The following CHSY1 variants were observed in gnomAD, a reference collection of about 807,000 sequenced individuals.
CHSY1 encodes chondroitin sulfate synthase 1.
Under a neutral mutation model 59.8 loss-of-function variants are expected in CHSY1, and 13 were observed. The ratio of observed to expected loss-of-function variants is 0.22; its 90% CI spans 0.14 to 0.35. CHSY1 has a LOEUF of 0.35. Among genes scored for constraint, CHSY1 ranks in the 10% least tolerant of loss-of-function variants. CHSY1 has a pLI of 1.00. For synonymous variants in CHSY1, 459 were observed against 401.2 expected (o/e 1.14, Z -1.72); for missense variants, 947 against 1,030.6 (o/e 0.92, Z 1.11).
intron 2 of CHSY1, among the ~76,000 whole-genome samples, chr15:101,192,814 C>T (rs752857379): frequency 5.9e-5 from 9 of 152,162 alleles, no homozygotes; most frequent in Middle Eastern, 3.2e-3. Context: ...AATAACCTAC[C>T]TCCCTGCACA....
rs11855006 is a variant in CHSY1, at chr15:101,237,553, C to A, written c.321-1976G>T. Among the ~76,000 whole-genome samples the A allele has an allele frequency of 4.9e-3, 752 of 152,084 alleles. 6 individuals are homozygous for A. Among genetic ancestry groups the A allele is most frequent in the African/African-American group, 0.017 (714 of 41,476 alleles). On this transcript the variant is annotated intron_variant, in intron 1 of 2. Transcript: ENST00000254190. ...AAGGGTTTAAGAGACAACGGTTGCC[C>A]GTCGACAGAGGGAAGATGAGTGGTC...
intron 2 of CHSY1, among the ~76,000 whole-genome samples, chr15:101,233,629 T>C (rs765651015): frequency 3.3e-5 from 5 of 152,170 alleles, no homozygotes; most frequent in Non-Finnish European, 7.3e-5. Flanking sequence ...AGCTGTCCCC[T>C]ATGTGCTGGG....
At chr15:101,180,534 C>A (rs1428964018) in intron 2 of CHSY1, among the ~76,000 whole-genome samples, 1 of 151,984 alleles carries the variant, frequency 6.6e-6, no homozygotes, top group Non-Finnish European at 1.5e-5. Context: ...CCGACTCTGA[C>A]CCCCATGCAG....
chr15:101,208,955 T>C (rs1262696285), intron 2 of CHSY1, among the ~76,000 whole-genome samples: 2 of 152,156 alleles, frequency 1.3e-5, no homozygotes, highest in African/African-American at 4.8e-5. Context: ...AAATCACCAT[T>C]TAGCAACCAT....
At position 101,210,305 on chromosome 15, in the gene CHSY1, C is replaced by A. The variant is rs576585238; in HGVS notation, c.816+24777G>T. On this transcript the variant is annotated intron_variant, in intron 2 of 2. Coordinates refer to ENST00000254190, the MANE Select transcript of CHSY1 (RefSeq NM_014918.5). The stretch of plus-strand genomic sequence containing the variant: ...TTAGCAGAAAAAGAGGCTGAAGGCA[C>A]CATCACACCTTAAACATAAACCTCT... Among the ~76,000 whole-genome samples the A allele has an allele frequency of 2.0e-5, 3 of 152,248 alleles. No individual in the cohort carries two copies. In the South Asian group the frequency reaches 6.2e-4, roughly 32 times the overall value.
intron 2 of CHSY1, among the ~76,000 whole-genome samples, chr15:101,222,886 C>A (rs1218519322): frequency 6.6e-6 from 1 of 152,174 alleles, no homozygotes; most frequent in South Asian, 2.1e-4. Flanking sequence ...CTCGAGTCAC[C>A]CTGTCCCTCC....
At chr15:101,232,502 A>C (rs1165610609) in intron 2 of CHSY1, among the ~76,000 whole-genome samples, 1 of 152,220 alleles carries the variant, frequency 6.6e-6, no homozygotes, top group Non-Finnish European at 1.5e-5. Context: ...ATAATGAAGA[A>C]CTACACGTGA....
intron 2 of CHSY1, among the ~76,000 whole-genome samples, chr15:101,220,930 C>G (rs112312867): frequency 6.6e-6 from 1 of 152,122 alleles, no homozygotes; most frequent in Non-Finnish European, 1.5e-5. Flanking sequence ...CTCCATCAGT[C>G]GACCGCCTTA....
At chr15:101,248,063 A>G (rs2039068724) in intron 1 of CHSY1, among the ~76,000 whole-genome samples, 1 of 152,224 alleles carries the variant, frequency 6.6e-6, no homozygotes, top group Non-Finnish European at 1.5e-5. Context: ...TTAAAAAACA[A>G]AACTACAGTT....
intron 2 of CHSY1, among the ~76,000 whole-genome samples, chr15:101,179,541 T>A (rs1473919095): frequency 6.6e-6 from 1 of 152,130 alleles, no homozygotes; most frequent in African/African-American, 2.4e-5. Flanking sequence ...CAGGGATGAA[T>A]CAAGGCTCTG....
Position 101,178,178 on chromosome 15 carries a change from A to G in CHSY1, c.1619T>C (p.Leu540Ser), listed in dbSNP as rs972865182. ...KDKKINILIP[L>S]SGRFDMFVRF... The stretch of plus-strand genomic sequence containing the variant: ...CACAAACATGTCGAAACGCCCAGAC[A>G]AAGGAATCAGTATGTTTATCTTTTT... The change falls in exon 3 of 3, where the codon TTG becomes TCG. Residue 540 changes from leucine (L) to serine (S), a missense_variant. By Grantham distance (145) the Leu-to-Ser change is moderately radical (BLOSUM62 -2). Around this residue, in one of 4 missense-constraint regions of CHSY1, gnomAD observed 602 missense variants for 676.9 expected, o/e 0.89. Transcript: ENST00000254190. 1 of 1,614,252 alleles carries G rather than the reference A, an allele frequency of 6.2e-7. No homozygotes were observed. The highest frequency in any genetic ancestry group is 8.5e-7 in the Non-Finnish European group (1 of 1,180,050).
At chr15:101,198,794 T>A (rs896979181) in intron 2 of CHSY1, among the ~76,000 whole-genome samples, 1 of 152,232 alleles carries the variant, frequency 6.6e-6, no homozygotes, top group African/African-American at 2.4e-5. Flanking sequence ...ACACTCACTT[T>A]TGTTACTGTC....
intron 2 of CHSY1, among the ~76,000 whole-genome samples, chr15:101,180,262 G>A (rs1011739515): frequency 2.6e-5 from 4 of 152,182 alleles, no homozygotes; most frequent in Non-Finnish European, 4.4e-5. Flanking sequence ...GTCTGATGAG[G>A]GCTAACCTCT....
Position 101,177,852 on chromosome 15 carries a change from C to A in CHSY1, c.1945G>T (p.Val649Phe). The A allele has an allele frequency of 6.2e-7, 1 of 1,614,208 alleles. No individual in the cohort carries two copies. Among genetic ancestry groups the A allele is most frequent in the Non-Finnish European group, 8.5e-7 (1 of 1,180,036 alleles). The change falls in exon 3 of 3, where the codon GTT becomes TTT. Residue 649 changes from valine (V) to phenylalanine (F), a missense_variant. Val to Phe is a conservative substitution (Grantham distance 50). Transcript: ENST00000254190. ...GGAAAATATATTTGTTGGCCCAGAA[C>A]TGTATTTGCTCGACATCGCTGAAGG... The part of the protein sequence containing the change: ...EFLQRCRANT[V>F]LGQQIYFPII...
intron 2 of CHSY1, among the ~76,000 whole-genome samples, chr15:101,220,291 C>A (rs2038775873): frequency 6.6e-6 from 1 of 152,130 alleles, no homozygotes; most frequent in African/African-American, 2.4e-5. Context: ...CAAGGCTCAG[C>A]CCTCAGACCC....
chr15:101,230,335 G>A (rs1037006512), intron 2 of CHSY1, among the ~76,000 whole-genome samples: 23 of 152,088 alleles, frequency 1.5e-4, no homozygotes, highest in African/African-American at 4.8e-4. Flanking sequence ...CGAGTTTAAC[G>A]GGCAGCCTAA....
Position 101,251,206 on chromosome 15 carries a change from C to T in CHSY1, c.251G>A (p.Arg84Lys). The T allele has an allele frequency of 6.3e-7, 1 of 1,597,984 alleles. No individual in the cohort carries two copies. The highest frequency in any genetic ancestry group is 8.5e-7 in the Non-Finnish European group (1 of 1,175,944). Residue 84 changes from arginine (R) to lysine (K), a missense_variant, in exon 1 of 3, where the codon AGG becomes AAG. Transcript: ENST00000254190. ...CATGACTCCCACGAAGAGAAAGTTC[C>T]TGTCGCGCGGGCCGCCATCTGGGTC... ...GSDPDGGPRD[R>K]NFLFVGVMTA...
Position 101,177,254 on chromosome 15 carries a change from CT to C in CHSY1, c.*133del, listed in dbSNP as rs2038203061. On this transcript the variant is annotated 3_prime_UTR_variant, in exon 3 of 3. Coordinates refer to ENST00000254190, the MANE Select transcript of CHSY1 (RefSeq NM_014918.5). ...CACCTTCTTGTTCAGAAAGCTCAAT[CT>C]TAAAGGAGTCCTATGTAAGAAAACC... is the stretch of plus-strand genomic sequence containing the variant. 1.3e-6 allele frequency: 1 copy of C among 782,976 alleles called. No individual in the cohort carries two copies. Among genetic ancestry groups the C allele is most frequent in the South Asian group, 1.9e-5 (1 of 51,626 alleles). 48.5% of individuals were successfully genotyped at this position (782,976 alleles called of 1,614,324 possible).
Position 101,177,273 on chromosome 15 carries a change from A to G in CHSY1, c.*115T>C. 1 of 1,029,882 alleles carries G rather than the reference A, an allele frequency of 9.7e-7. No individual in the cohort carries two copies. Among genetic ancestry groups the G allele is most frequent in the Non-Finnish European group, 1.4e-6 (1 of 720,106 alleles). 63.8% of individuals were successfully genotyped at this position (1,029,882 alleles called of 1,614,324 possible). On this transcript the variant is annotated 3_prime_UTR_variant, in exon 3 of 3. Coordinates refer to ENST00000254190, the MANE Select transcript of CHSY1 (RefSeq NM_014918.5). ...CTCAATCTTAAAGGAGTCCTATGTA[A>G]GAAAACCACTTGTAAAATATATCCT...
Sources: gnomAD v4.1 joint callset for allele counts (sites outside exome capture counted in the v4.1 genomes callset) on GRCh38, gnomAD v4.1.1 for gene constraint, gnomAD v4.1.1 regional missense constraint, MANE v1.5 for transcripts, NCBI Gene and HGNC (gene_info 2026-07-23, HGNC 2026-07-21) for gene names.